Variants in CLSTN2 observed in about 807,000 individuals in gnomAD.
The protein encoded by CLSTN2 is calsyntenin-2.
A neutral mutation model predicts 101.2 loss-of-function variants in CLSTN2; 48 were observed. The observed-to-expected ratio is 0.47, with a 90% CI of 0.38 to 0.60. CLSTN2 has a LOEUF of 0.60. Among genes scored for constraint, CLSTN2 ranks in the 20% least tolerant of loss-of-function variants. CLSTN2 has a pLI of 0.00. For missense variants in CLSTN2, 1,160 were observed against 1,238.2 expected (o/e 0.94, Z 0.95); for synonymous variants, 481 against 463.6 (o/e 1.04, Z -0.48).
intron 8 of CLSTN2, among the ~76,000 whole-genome samples, chr3:140,524,551 A>C (rs1935098553): frequency 6.6e-6 from 1 of 152,234 alleles, no homozygotes; most frequent in African/African-American, 2.4e-5. Context: ...GAAAACAAAC[A>C]ATAAAATTCT....
intron 1 of CLSTN2, among the ~76,000 whole-genome samples, chr3:140,145,316 G>A (rs913631127): frequency 1.3e-5 from 2 of 152,194 alleles, no homozygotes; most frequent in African/African-American, 4.8e-5. Flanking sequence ...ACATCTTTGA[G>A]CCTGGTATAG....
intron 2 of CLSTN2, among the ~76,000 whole-genome samples, chr3:140,190,611 A>T (rs4428137): frequency 0.035 from 5,360 of 152,150 alleles, 309 homozygotes; most frequent in African/African-American, 0.12. Context: ...TGTTGTATAG[A>T]TTTAAATATA....
intron 1 of CLSTN2, among the ~76,000 whole-genome samples, chr3:139,948,273 C>G (rs796964625): frequency 2.2e-4 from 34 of 152,150 alleles, no homozygotes; most frequent in African/African-American, 8.2e-4. Flanking sequence ...TTTCTCAATT[C>G]AATGGAAAAT....
At chr3:140,310,273 C>T (rs1456845977) in intron 2 of CLSTN2, among the ~76,000 whole-genome samples, 1 of 152,064 alleles carries the variant, frequency 6.6e-6, no homozygotes, top group Non-Finnish European at 1.5e-5. Context: ...CCATAGGCGC[C>T]CCCACCGCAC....
intron 8 of CLSTN2, among the ~76,000 whole-genome samples, chr3:140,526,595 C>CAAA (rs56965995): frequency 3.0e-5 from 3 of 98,956 alleles, no homozygotes; most frequent in East Asian, 4.9e-4. Context: ...AACAAACAAA[C>CAAA]AAAAAAAAAA....
At chr3:140,051,124 G>C (rs572820540) in intron 1 of CLSTN2, among the ~76,000 whole-genome samples, 1 of 152,314 alleles carries the variant, frequency 6.6e-6, no homozygotes, top group South Asian at 2.1e-4. Context: ...TCAGCTCCAA[G>C]GGAACAGGAA....
At chr3:140,427,622 G>A (rs2334911) in intron 5 of CLSTN2, among the ~76,000 whole-genome samples, 10,499 of 152,044 alleles carry the variant, frequency 0.069, 478 homozygotes, top group Non-Finnish European at 0.1. Flanking sequence ...CTCATTACAC[G>A]TAGAGTCAAA....
intron 9 of CLSTN2, among the ~76,000 whole-genome samples, chr3:140,537,979 C>T (rs1251600782): frequency 6.6e-6 from 1 of 151,800 alleles, no homozygotes; most frequent in Non-Finnish European, 1.5e-5. Flanking sequence ...GGGCATCTCT[C>T]CCCGTGCCAT....
intron 1 of CLSTN2, among the ~76,000 whole-genome samples, chr3:140,120,097 T>A (rs1269990189): frequency 2.0e-5 from 3 of 152,174 alleles, no homozygotes; most frequent in African/African-American, 7.2e-5. Context: ...CAATTCAATT[T>A]TGACACTACC....
At chr3:140,431,752 G>C (rs1293665122) in intron 5 of CLSTN2, among the ~76,000 whole-genome samples, 3 of 152,158 alleles carry the variant, frequency 2.0e-5, no homozygotes, top group Non-Finnish European at 4.4e-5. Flanking sequence ...GATGGAGCTA[G>C]GTATGGAGTG....
intron 1 of CLSTN2, among the ~76,000 whole-genome samples, chr3:140,160,290 C>T (rs929370747): frequency 6.6e-6 from 1 of 152,086 alleles, no homozygotes; most frequent in Non-Finnish European, 1.5e-5. Context: ...TAAAACACTA[C>T]CAAAGACATG....
intron 5 of CLSTN2, among the ~76,000 whole-genome samples, chr3:140,439,130 A>C (rs2088717252): frequency 6.6e-6 from 1 of 152,184 alleles, no homozygotes; most frequent in Non-Finnish European, 1.5e-5. Flanking sequence ...ACAGAATAGG[A>C]TGGTTTCCTC....
intron 2 of CLSTN2, among the ~76,000 whole-genome samples, chr3:140,343,886 GT>G (rs982716947): frequency 4.6e-5 from 7 of 152,278 alleles, no homozygotes; most frequent in Admixed American, 2.0e-4. Flanking sequence ...GGACTAGCTG[GT>G]TTGGTAATTC....
chr3:140,287,407 G>A (rs2086905315), intron 2 of CLSTN2, among the ~76,000 whole-genome samples: 1 of 152,146 alleles, frequency 6.6e-6, no homozygotes, highest in Admixed American at 6.5e-5. Context: ...ACAGGGACAG[G>A]AGGAAGCTTT....
chr3:140,563,632 GCT>G, intron 15 of CLSTN2, among the ~76,000 whole-genome samples: 1 of 152,252 alleles, frequency 6.6e-6, no homozygotes, highest in Middle Eastern at 3.4e-3. Flanking sequence ...ACAGTGCTTG[GCT>G]CTGTGGAAGT....
intron 10 of CLSTN2, among the ~76,000 whole-genome samples, chr3:140,554,503 C>T (rs763357578): frequency 2.0e-5 from 3 of 152,220 alleles, no homozygotes; most frequent in Non-Finnish European, 2.9e-5. Flanking sequence ...ATCCTGACAT[C>T]TGATGGCATA....
intron 2 of CLSTN2, among the ~76,000 whole-genome samples, chr3:140,326,122 T>G (rs963700594): frequency 2.0e-4 from 31 of 152,342 alleles, no homozygotes; most frequent in African/African-American, 7.2e-4. Context: ...AATTCCACAC[T>G]CTTCTCTGCT....
At chr3:140,346,050 C>T (rs981432042) in intron 2 of CLSTN2, among the ~76,000 whole-genome samples, 5 of 152,166 alleles carry the variant, frequency 3.3e-5, no homozygotes, top group Non-Finnish European at 7.3e-5. Flanking sequence ...TCAGAAGTCT[C>T]TTCCAAATCA....
rs536305030 is a variant in CLSTN2 at position 140,190,496 on chromosome 3, C to T, written c.232+14423C>T. ...GGATTCTGATAGGGGCTGAGTTAAA[C>T]ATGTATAGCAACTTTAGGACAGTTG... On this transcript the variant is annotated intron_variant, in intron 2 of 16. Transcript: ENST00000458420. 1.1e-4 allele frequency among the ~76,000 whole-genome samples: 15 copies of T among 134,288 alleles called. No individual in the cohort carries two copies. The East Asian group carries it at 2.8e-3, about 25-fold the overall frequency. The allele number at this position is 134,288 out of a possible 152,430, so 88.1% of individuals were successfully genotyped here.
Sources: allele counts gnomAD v4.1 joint callset (sites outside exome capture counted in the v4.1 genomes callset), GRCh38; gene constraint gnomAD v4.1.1; transcripts MANE v1.5; gene names NCBI Gene and HGNC (gene_info 2026-07-23, HGNC 2026-07-21).